Variants in RGS20 observed in about 807,000 individuals in gnomAD.
RGS20 encodes regulator of G protein signaling 20, also known as gz-selective GTPase-activating protein.
In RGS20, 30 loss-of-function variants were observed where a neutral mutation model predicts 33.6. The observed-to-expected ratio is 0.89, with a 90% CI of 0.67 to 1.21. The LOEUF is 1.21. Among genes scored for constraint, RGS20 ranks in the 50% most tolerant of loss-of-function variants. The pLI is 0.00. For synonymous variants in RGS20, 208 were observed against 197.9 expected, an observed-to-expected ratio of 1.05 and a Z score of -0.43; for missense variants, 472 against 502.4, an observed-to-expected ratio of 0.94 and a Z score of 0.58.
At chr8:53,903,321 T>C (rs926922844) in intron 2 of RGS20, among the ~76,000 whole-genome samples, 3 of 152,234 alleles carry the variant, frequency 2.0e-5, no homozygotes, top group East Asian at 1.9e-4. Context: ...ATTCTGAAAA[T>C]AGTGAACAAT....
chr8:53,875,613 T>A (rs550167573), intron 1 of RGS20, among the ~76,000 whole-genome samples: 1 of 152,282 alleles, frequency 6.6e-6, no homozygotes, highest in South Asian at 2.1e-4. Context: ...GTCATCTAAG[T>A]AGCTCTCATT....
chr8:53,930,622 T>C (rs903010337), intron 2 of RGS20, among the ~76,000 whole-genome samples: 6 of 152,200 alleles, frequency 3.9e-5, no homozygotes, highest in Admixed American at 3.3e-4. Flanking sequence ...CTCAGTTCAC[T>C]GCAACCTCTG....
In RGS20 at chr8:53,954,053, CCT is replaced by C. The variant is rs564169999; in HGVS notation, c.744-18_744-17del. 2.6e-3 allele frequency: 3,961 copies of C among 1,528,020 alleles called. 11 individuals carry two copies. The highest frequency in any genetic ancestry group is 3.3e-3 in the Non-Finnish European group (3,632 of 1,102,062). The allele number at this position is 1,528,020 out of a possible 1,614,324, so 94.7% of individuals were successfully genotyped here. ...TACCACTAACAGTTCCCTTTTGCCC[CCT>C]CTCTTTTGGTCTCCACGAAGCCCTG... On this transcript the variant is annotated intron_variant, in intron 4 of 5. Coordinates refer to ENST00000297313, the MANE Select transcript of RGS20 (RefSeq NM_170587.4).
intron 1 of RGS20, among the ~76,000 whole-genome samples, chr8:53,869,428 C>A (rs1269803184): frequency 6.6e-6 from 1 of 152,120 alleles, no homozygotes; most frequent in Non-Finnish European, 1.5e-5. Flanking sequence ...GTAATCCCAG[C>A]ATTTTGATAG....
intron 1 of RGS20, among the ~76,000 whole-genome samples, chr8:53,874,401 T>TGTGTGTGC (rs1403614307): frequency 6.4e-5 from 8 of 124,956 alleles, no homozygotes; most frequent in African/African-American, 2.5e-4. Context: ...TGTGTGTGTG[T>TGTGTGTGC]GCGCGCGCGT....
Position 53,939,733 on chromosome 8 carries a change from TG to T in RGS20, c.659+13del. On this transcript the variant is annotated intron_variant, in intron 3 of 5. Transcript: ENST00000297313. ...TGTTGTAGCTGCTCGTGGTAAGGTT[TG>T]GGGCTTTTTAATGAATGTGCTCCTG... The T allele has an allele frequency of 6.5e-7, 1 of 1,548,052 alleles. No individual in the cohort carries two copies. Among genetic ancestry groups the T allele is most frequent in the Non-Finnish European group, 8.7e-7 (1 of 1,144,948 alleles).
intron 1 of RGS20, among the ~76,000 whole-genome samples, chr8:53,853,596 A>T (rs1811611881): frequency 6.6e-6 from 1 of 152,176 alleles, no homozygotes; most frequent in African/African-American, 2.4e-5. Flanking sequence ...GAAAGAGGAG[A>T]CATGTGCCTC....
chr8:53,958,193 C>A, intron 5 of RGS20, 77 bp from the exon 5 acceptor site: 1 of 1,049,860 alleles, frequency 9.5e-7, no homozygotes, highest in Non-Finnish European at 1.3e-6. Context: ...CAACAAAAAT[C>A]CCCACAAGCT....
chr8:53,879,612 G>A (rs965650599), intron 2 of RGS20: 4 of 1,477,910 alleles, frequency 2.7e-6, no homozygotes, highest in Non-Finnish European at 3.6e-6. Flanking sequence ...GGTGAGTACC[G>A]TGGTCTCCAC....
At chr8:53,949,626 A>G (rs1585960130) in intron 4 of RGS20, among the ~76,000 whole-genome samples, 1 of 151,454 alleles carries the variant, frequency 6.6e-6, no homozygotes, top group South Asian at 2.1e-4. Flanking sequence ...TGAGGCAGGG[A>G]GAATTGCTTG....
intron 2 of RGS20, chr8:53,879,686 C>T (rs1812302463): frequency 8.6e-7 from 1 of 1,164,572 alleles, no homozygotes; most frequent in Non-Finnish European, 1.2e-6. Flanking sequence ...CCCCAACTGA[C>T]CCGCTCCGCT....
At chr8:53,924,327 T>C (rs553914418) in intron 2 of RGS20, among the ~76,000 whole-genome samples, 1 of 152,128 alleles carries the variant, frequency 6.6e-6, no homozygotes, top group South Asian at 2.1e-4. Flanking sequence ...ATAGCTGGGA[T>C]TACAGGTGCA....
At chr8:53,864,563 G>A (rs1325187672) in intron 1 of RGS20, among the ~76,000 whole-genome samples, 2 of 152,030 alleles carry the variant, frequency 1.3e-5, no homozygotes, top group African/African-American at 2.4e-5. Context: ...TGGGTTTGTA[G>A]CCAGTTTCTC....
intron 3 of RGS20, among the ~76,000 whole-genome samples, chr8:53,945,964 A>G (rs1168420900): frequency 6.6e-6 from 1 of 152,218 alleles, no homozygotes; most frequent in Non-Finnish European, 1.5e-5. Flanking sequence ...TCCATTTACG[A>G]TAACAACAAA....
At chr8:53,925,900 A>G (rs1173143292) in intron 2 of RGS20, among the ~76,000 whole-genome samples, 1 of 152,142 alleles carries the variant, frequency 6.6e-6, no homozygotes, top group East Asian at 1.9e-4. Context: ...GCCCAAAGAA[A>G]AAATACTTCA....
intron 2 of RGS20, 99 bp from the exon 2 acceptor site, chr8:53,939,477 C>T: frequency 3.9e-6 from 5 of 1,281,088 alleles, no homozygotes; most frequent in Non-Finnish European, 5.1e-6. Flanking sequence ...TGTAGTCGCA[C>T]TGTATCTTTT....
Position 53,952,015 on chromosome 8 carries a change from A to G in RGS20, c.744-2061A>G, listed in dbSNP as rs186845803. Among the ~76,000 whole-genome samples, 212 of 149,190 alleles carry G rather than the reference A, an allele frequency of 1.4e-3. 1 individual carries two copies. Among genetic ancestry groups the G allele is most frequent in the Non-Finnish European group, 2.6e-3 (175 of 67,240 alleles). ...CTGGGCAACAGAGTAAGACTAAAAA[A>G]ACAGAAATTAAAAAGTGAACTAAAA... is the stretch of plus-strand genomic sequence containing the variant. On this transcript the variant is annotated intron_variant, in intron 4 of 5. Coordinates refer to ENST00000297313, the MANE Select transcript of RGS20 (RefSeq NM_170587.4).
intron 2 of RGS20, chr8:53,881,002 C>A: frequency 1.3e-6 from 2 of 1,594,722 alleles, no homozygotes; most frequent in Non-Finnish European, 1.7e-6. Flanking sequence ...ATTGAGAAGG[C>A]ACCCGCGGGA....
At chr8:53,939,747 GAATGTGCTCCTGACTGGGAAGTGT>G (rs747947418) in intron 3 of RGS20, 23 bp downstream of exon 2, 20 of 1,542,246 alleles carry the variant, frequency 1.3e-5, no homozygotes, top group Admixed American at 6.0e-5. Flanking sequence ...GCTTTTTAAT[GAATGTGCTCCTGACTGGGAAGTGT>G]AATGTGCTCC....
Sources: gnomAD v4.1 joint callset for allele counts (sites outside exome capture counted in the v4.1 genomes callset) on GRCh38, gnomAD v4.1.1 for gene constraint, MANE v1.5 for transcripts, NCBI Gene and HGNC (gene_info 2026-07-23, HGNC 2026-07-21) for gene names.